The following ZNF385D variants were observed in gnomAD, a reference collection of about 807,000 sequenced individuals.
ZNF385D encodes the protein zinc finger protein 385D, also known as zinc finger protein 659.
A neutral mutation model predicts 35.8 loss-of-function variants in ZNF385D; 15 were observed. The ratio of observed to expected loss-of-function variants is 0.42; its 90% CI spans 0.28 to 0.64. The LOEUF is 0.64. Among genes scored for constraint, ZNF385D ranks in the 30% least tolerant of loss-of-function variants. ZNF385D has a pLI of 0.23. For missense variants in ZNF385D, 474 were observed against 494.6 expected (o/e 0.96, Z 0.39); for synonymous variants, 212 against 186.8 (o/e 1.13, Z -1.10).
At chr3:21,645,184 C>A (rs183907853) in intron 2 of ZNF385D, among the ~76,000 whole-genome samples, 1 of 152,106 alleles carries the variant, frequency 6.6e-6, no homozygotes, top group African/African-American at 2.4e-5. Context: ...CTGGCAGTAC[C>A]GGAATTGGCA....
intron 3 of ZNF385D, among the ~76,000 whole-genome samples, chr3:21,925,748 A>C (rs1700695342): frequency 6.6e-6 from 1 of 152,158 alleles, no homozygotes; most frequent in East Asian, 1.9e-4. Flanking sequence ...AGTATCTAGA[A>C]TATATAGTCC....
intron 2 of ZNF385D, among the ~76,000 whole-genome samples, chr3:22,360,719 C>T (rs189036178): frequency 6.6e-6 from 1 of 152,074 alleles, no homozygotes; most frequent in African/African-American, 2.4e-5. Context: ...TGTTGACATA[C>T]ATTGTCTCAC....
In ZNF385D at chr3:21,465,905, T is replaced by C. The variant is rs951215201; in HGVS notation, c.440-28702A>G. On this transcript the variant is annotated intron_variant, in intron 4 of 7. Transcript: ENST00000281523. The surrounding 1 kb of genome is among the most constrained non-coding windows in gnomAD (Gnocchi z 4.2). ...ACACCTCAGGATACAGGAGCTGCCGTGAGCACAAATAGAGATGCTCTTCTG... is the reference window on the plus strand; with the variant it reads ...ACACCTCAGGATACAGGAGCTGCCGCGAGCACAAATAGAGATGCTCTTCTG... 6.6e-6 allele frequency among the ~76,000 whole-genome samples: 1 copy of C among 152,174 alleles called. No individual in the cohort carries two copies. Among genetic ancestry groups the C allele is most frequent in the Non-Finnish European group, 1.5e-5 (1 of 68,040 alleles).
intron 2 of ZNF385D, among the ~76,000 whole-genome samples, chr3:22,238,016 G>A (rs1274491004): frequency 6.6e-6 from 1 of 150,796 alleles, no homozygotes; most frequent in African/African-American, 2.5e-5. Flanking sequence ...TTATTTTTTT[G>A]ATGTGGAAAT....
chr3:21,426,426 A>G (rs915529798), intron 5 of ZNF385D, among the ~76,000 whole-genome samples: 4 of 152,174 alleles, frequency 2.6e-5, no homozygotes, highest in East Asian at 3.8e-4. Context: ...CTGATTGTCA[A>G]CCGTTAACAA....
chr3:21,475,846 T>C (rs1320857483), intron 4 of ZNF385D, among the ~76,000 whole-genome samples: 1 of 151,230 alleles, frequency 6.6e-6, no homozygotes, highest in African/African-American at 2.4e-5. Flanking sequence ...AGGAAAATCT[T>C]TTTTTTTTCT....
At chr3:22,001,553 C>G (rs1044821807) in intron 3 of ZNF385D, among the ~76,000 whole-genome samples, 2 of 151,932 alleles carry the variant, frequency 1.3e-5, no homozygotes, top group African/African-American at 2.4e-5. Flanking sequence ...TACTTCAATA[C>G]TCCACTCTCA....
chr3:22,033,597 C>A (rs1698139665), intron 3 of ZNF385D, among the ~76,000 whole-genome samples: 1 of 151,782 alleles, frequency 6.6e-6, no homozygotes, highest in Non-Finnish European at 1.5e-5. Flanking sequence ...AGTGTAACCA[C>A]CCAGAGAAAT....
intron 3 of ZNF385D, among the ~76,000 whole-genome samples, chr3:21,923,489 C>T (rs566907391): frequency 6.6e-6 from 1 of 152,084 alleles, no homozygotes; most frequent in East Asian, 1.9e-4. Context: ...ACTATTTGAC[C>T]AGCAATCCCA....
intron 2 of ZNF385D, among the ~76,000 whole-genome samples, chr3:21,658,968 G>C (rs79795640): frequency 6.6e-6 from 1 of 152,010 alleles, no homozygotes; most frequent in Non-Finnish European, 1.5e-5. Flanking sequence ...TGATAGAAGA[G>C]AATGTTTAAA....
intron 1 of ZNF385D, among the ~76,000 whole-genome samples, chr3:21,681,698 G>GAAAAAAAAAAAAAAAAAAAAAAAAAAGA (rs5847124): frequency 7.5e-6 from 1 of 133,222 alleles, no homozygotes; most frequent in Non-Finnish European, 1.6e-5. Context: ...AAAAAAAAAC[G>GAAAAAAAAAAAAAAAAAAAAAAAAAAGA]AAAAAAAAAA....
At chr3:22,058,940 A>C (rs1345599909) in intron 3 of ZNF385D, among the ~76,000 whole-genome samples, 4 of 152,198 alleles carry the variant, frequency 2.6e-5, no homozygotes, top group Non-Finnish European at 1.5e-5. Context: ...CATGATCTTC[A>C]GGAATATTTA....
chr3:22,150,233 A>C (rs1410992611), intron 3 of ZNF385D, among the ~76,000 whole-genome samples: 1 of 152,138 alleles, frequency 6.6e-6, no homozygotes, highest in Non-Finnish European at 1.5e-5. Flanking sequence ...CATATTTCCA[A>C]CTTTCCCTCT....
intron 2 of ZNF385D, among the ~76,000 whole-genome samples, chr3:22,229,490 C>T (rs1698755657): frequency 6.6e-6 from 1 of 152,198 alleles, no homozygotes; most frequent in African/African-American, 2.4e-5. Flanking sequence ...TTTCCAGATG[C>T]TTTGGAGATT....
intron 1 of ZNF385D, among the ~76,000 whole-genome samples, chr3:21,723,695 G>C (rs1048099476): frequency 6.6e-6 from 1 of 152,142 alleles, no homozygotes; most frequent in Non-Finnish European, 1.5e-5. Context: ...GAAAGTGACA[G>C]GGAGAATAGA....
At chr3:21,873,729 C>A (rs1184408956) in intron 3 of ZNF385D, among the ~76,000 whole-genome samples, 1 of 152,062 alleles carries the variant, frequency 6.6e-6, no homozygotes, top group African/African-American at 2.4e-5. Context: ...TAGAATCATG[C>A]CGTATTTGTC....
chr3:22,124,277 G>T (rs1321070089), intron 3 of ZNF385D, among the ~76,000 whole-genome samples: 1 of 152,038 alleles, frequency 6.6e-6, no homozygotes, highest in Non-Finnish European at 1.5e-5. Context: ...TGTAATGGCT[G>T]AATAGTACTT....
At chr3:21,448,490 C>A (rs1242133609) in intron 4 of ZNF385D, among the ~76,000 whole-genome samples, 1 of 152,012 alleles carries the variant, frequency 6.6e-6, no homozygotes, top group Non-Finnish European at 1.5e-5. Flanking sequence ...AAAGTAGTTT[C>A]CATGTTGTGT....
Position 21,970,432 on chromosome 3 carries a change from TAAC to T in ZNF385D, c.325+198382_325+198384del, listed in dbSNP as rs1703175564. On this transcript the variant is annotated intron_variant, in intron 3 of 5. Transcript: ENST00000494108. Reference sequence around the variant, plus strand: ...TACTGTAAAATGCATTAGGGTCTCTTAACAGCAGAATTGATCAAGCAAAAGAAA... The same window carrying T: ...TACTGTAAAATGCATTAGGGTCTCTTAGCAGAATTGATCAAGCAAAAGAAA... 2.0e-5 allele frequency among the ~76,000 whole-genome samples: 3 copies of T among 151,192 alleles called. No individual in the cohort carries two copies. The South Asian group carries it at 6.2e-4, about 31-fold the overall frequency.
Sources: gnomAD v4.1 joint callset for allele counts (sites outside exome capture counted in the v4.1 genomes callset) on GRCh38, gnomAD v4.1.1 for gene constraint, Gnocchi (gnomAD v3.1) non-coding constraint, MANE v1.5 for transcripts, NCBI Gene and HGNC (gene_info 2026-07-23, HGNC 2026-07-21) for gene names.